TRAF2: variants seen among roughly 807,000 people sequenced by gnomAD.
TRAF2 encodes the protein TNF receptor-associated factor 2.
In TRAF2, 6 loss-of-function variants were observed where a neutral mutation model predicts 55.6. That is an observed-to-expected ratio of 0.11 (90% CI 0.06 to 0.21). The LOEUF is 0.21. TRAF2 is among the 10% of genes least tolerant of loss of function. TRAF2 has a pLI of 1.00. For synonymous variants in TRAF2, 329 were observed against 276.3 expected (o/e 1.19, Z -1.89); for missense variants, 561 against 684.5 (o/e 0.82, Z 2.01).
At chr9:136,882,330 C>T (rs1375410708), upstream of TRAF2, among the ~76,000 whole-genome samples, 3 of 152,168 alleles carry the variant, frequency 2.0e-5, no homozygotes, top group Admixed American at 2.0e-4. Context: ...GCATGGCGGC[C>T]CCTCACCTCC....
rs757336604 is a variant in TRAF2, at chr9:136,898,735, GCT to G, written c.-2_-1del. 6.2e-7 allele frequency: 1 copy of G among 1,613,238 alleles called. No individual in the cohort carries two copies. Among genetic ancestry groups the G allele is most frequent in the Non-Finnish European group, 8.5e-7 (1 of 1,180,002 alleles). ...TAGGGCTTTGTTCGCGGGGGTCACA[GCT>G]CTCATGGCTGCAGCTAGCGTGACCC... On this transcript the variant is annotated 5_prime_UTR_variant, in exon 2 of 11. Coordinates refer to ENST00000247668, the MANE Select transcript of TRAF2 (RefSeq NM_021138.4).
chr9:136,919,603 C>CT (rs1176998194), intron 7 of TRAF2, among the ~76,000 whole-genome samples: 1 of 151,924 alleles, frequency 6.6e-6, no homozygotes, highest in Non-Finnish European at 1.5e-5. Context: ...TCATGAGTAG[C>CT]TTTTTTAAAA....
At chr9:136,887,180 G>T (rs1849472749) in intron 1 of TRAF2, among the ~76,000 whole-genome samples, 1 of 152,250 alleles carries the variant, frequency 6.6e-6, no homozygotes, top group South Asian at 2.1e-4. Context: ...AGCCAGTGCG[G>T]GGATGGGCTG....
chr9:136,907,813 CCA>C (rs1157441161), intron 4 of TRAF2, among the ~76,000 whole-genome samples: 1 of 151,936 alleles, frequency 6.6e-6, no homozygotes, highest in African/African-American at 2.4e-5. Flanking sequence ...GGCAAGGCAT[CCA>C]CACAGAGACC....
chr9:136,924,560 CTAAA>C (rs754252229), intron 10 of TRAF2, among the ~76,000 whole-genome samples: 18 of 151,890 alleles, frequency 1.2e-4, no homozygotes, highest in Non-Finnish European at 1.3e-4. Flanking sequence ...AGAGGGGGCT[CTAAA>C]TAAATGAACA....
In TRAF2 at chr9:136,904,688, G is replaced by A. The variant is rs553278709; in HGVS notation, c.367-3382G>A. On this transcript the variant is annotated intron_variant, in intron 4 of 10. Transcript: ENST00000247668. ...TCCCAAAGTGCTGGGATTACAAGGC[G>A]TTAGCCACCGCGCCTGGCCTAAAGA... Among the ~76,000 whole-genome samples, 17 of 152,196 alleles carry A rather than the reference G, an allele frequency of 1.1e-4. No homozygotes were observed. In the South Asian group the frequency reaches 2.7e-3, roughly 24 times the overall value.
chr9:136,925,555 G>C, intron 10 of TRAF2, 128 bp from the exon 11 acceptor site: 2 of 948,298 alleles, frequency 2.1e-6, no homozygotes, highest in Non-Finnish European at 3.1e-6. Context: ...GTCTCGGCTG[G>C]GCCTCAGCCT....
At position 136,926,217 on chromosome 9, in the gene TRAF2, G is replaced by A; in HGVS notation, c.*316G>A. The A allele has an allele frequency of 2.1e-6, 1 of 481,540 alleles. No homozygotes were observed. The highest frequency in any genetic ancestry group is 3.9e-6 in the Non-Finnish European group (1 of 253,848). The allele number at this position is 481,540 out of a possible 1,614,324, so 29.8% of individuals were successfully genotyped here. Reference sequence around the variant, plus strand: ...CTGTGCAGTGAAGGGAGAGGCCCTGGGTGGGGGACACTCAGAGTGGGAGCA... The same window carrying A: ...CTGTGCAGTGAAGGGAGAGGCCCTGAGTGGGGGACACTCAGAGTGGGAGCA... On this transcript the variant is annotated 3_prime_UTR_variant, in exon 11 of 11. Coordinates refer to ENST00000247668, the MANE Select transcript of TRAF2 (RefSeq NM_021138.4).
intron 6 of TRAF2, among the ~76,000 whole-genome samples, chr9:136,912,701 G>A (rs1172442453): frequency 6.6e-6 from 1 of 151,580 alleles, no homozygotes; most frequent in African/African-American, 2.4e-5. Context: ...GCTGGGCATG[G>A]TGGTGCACAC....
intron 6 of TRAF2, among the ~76,000 whole-genome samples, chr9:136,912,598 A>C (rs944725076): frequency 2.6e-5 from 4 of 151,922 alleles, no homozygotes; most frequent in Admixed American, 2.6e-4. Flanking sequence ...CCAGCATTTT[A>C]GGAGGCTGAG....
In TRAF2 at chr9:136,916,617, T is replaced by G; in HGVS notation, c.678+2T>G. On this transcript the variant is annotated splice_donor_variant, in intron 7 of 10. Transcript: ENST00000247668. LOFTEE classifies it high-confidence loss of function. ...CACGCCATCGGCTGCCTCGAGACGG[T>G]GAGTCGGGGGGTCTGAGGTTGGGGG... 6.2e-7 allele frequency: 1 copy of G among 1,613,706 alleles called. No homozygotes were observed. The highest frequency in any genetic ancestry group is 8.5e-7 in the Non-Finnish European group (1 of 1,179,890).
At chr9:136,920,103 C>T (rs1850348035) in intron 7 of TRAF2, 131 bp from the exon 8 acceptor site, 1 of 1,181,632 alleles carries the variant, frequency 8.5e-7, no homozygotes, top group Non-Finnish European at 1.2e-6. Context: ...ATGACCAGGC[C>T]ACCCAGGCAT....
intron 4 of TRAF2, among the ~76,000 whole-genome samples, chr9:136,903,995 T>C (rs1213808051): frequency 6.6e-6 from 1 of 152,178 alleles, no homozygotes; most frequent in Non-Finnish European, 1.5e-5. Context: ...AAAGATTTTA[T>C]TTTTGACATT....
intron 7 of TRAF2, among the ~76,000 whole-genome samples, chr9:136,918,301 G>A (rs979351994): frequency 7.1e-6 from 1 of 140,040 alleles, no homozygotes; most frequent in Non-Finnish European, 1.5e-5. Flanking sequence ...GTTGAGTCTT[G>A]CTTTGTCGCC....
chr9:136,908,721 T>C (rs1278744074), intron 5 of TRAF2, among the ~76,000 whole-genome samples: 1 of 151,852 alleles, frequency 6.6e-6, no homozygotes, highest in East Asian at 1.9e-4. Flanking sequence ...AAAAACAAAA[T>C]TAGCTGGGCA....
intron 1 of TRAF2, among the ~76,000 whole-genome samples, chr9:136,893,400 G>A (rs892814056): frequency 2.0e-5 from 3 of 152,252 alleles, no homozygotes; most frequent in African/African-American, 7.2e-5. Flanking sequence ...GGGCAGACAG[G>A]TGACTGACAG....
intron 1 of TRAF2, among the ~76,000 whole-genome samples, chr9:136,895,851 A>G (rs1373339276): frequency 4.1e-4 from 2 of 4,886 alleles, no homozygotes; most frequent in South Asian, 6.9e-3. Flanking sequence ...CTGTTTAAGG[A>G]AAAAAAAAAA....
At chr9:136,887,407 G>A (rs1415645106) in intron 1 of TRAF2, among the ~76,000 whole-genome samples, 1 of 152,244 alleles carries the variant, frequency 6.6e-6, no homozygotes, top group Non-Finnish European at 1.5e-5. Context: ...CAGGGGAACG[G>A]TCAGGGCCAG....
At chr9:136,920,920 A>T in intron 8 of TRAF2, 118 bp from the exon 9 acceptor site, 1 of 1,265,850 alleles carries the variant, frequency 7.9e-7, no homozygotes, top group Non-Finnish European at 1.1e-6. Flanking sequence ...GACATGAGAA[A>T]CATGGAGCCC....
Sources: gnomAD v4.1 joint callset for allele counts (sites outside exome capture counted in the v4.1 genomes callset) on GRCh38, gnomAD v4.1.1 for gene constraint, MANE v1.5 for transcripts, NCBI Gene and HGNC (gene_info 2026-07-23, HGNC 2026-07-21) for gene names.